LRRC37A2: variants seen among roughly 807,000 people sequenced by gnomAD.
The protein encoded by LRRC37A2 is leucine rich repeat containing 37 member A2, also known as leucine-rich repeat-containing protein 37A2.
A neutral mutation model predicts 68.8 loss-of-function variants in LRRC37A2; 9 were observed. The ratio of observed to expected loss-of-function variants is 0.13; its 90% CI spans 0.08 to 0.23. The LOEUF is 0.23. Among genes scored for constraint, LRRC37A2 ranks in the 10% least tolerant of loss-of-function variants. The probability of loss-of-function intolerance (pLI) is 1.00; values close to 1 mark genes in which losing one functional copy is unlikely to be tolerated. For missense variants in LRRC37A2, 168 were observed against 950.4 expected, an observed-to-expected ratio of 0.18 and a Z score of 10.82; for synonymous variants, 63 against 367.6, an observed-to-expected ratio of 0.17 and a Z score of 9.48.
chr17:46,862,004 A>G, the LRRC37A2 span, among the ~76,000 whole-genome samples: 1 of 152,020 alleles, frequency 6.6e-6, no homozygotes, highest in Admixed American at 6.6e-5. Flanking sequence ...TCTCTACTAA[A>G]AATACAAAAA....
chr17:46,788,051 A>G, the LRRC37A2 span, among the ~76,000 whole-genome samples: 5 of 151,724 alleles, frequency 3.3e-5, no homozygotes, highest in Non-Finnish European at 7.4e-5. Context: ...GAGAAGTCCC[A>G]CTTGGGACTT....
chr17:46,421,117 T>C, the LRRC37A2 span, among the ~76,000 whole-genome samples: 2 of 77,630 alleles, frequency 2.6e-5, no homozygotes, highest in East Asian at 4.6e-4. Flanking sequence ...TTTTGTATTT[T>C]TAGTAGAGAT....
At chr17:46,697,067 A>AT in the LRRC37A2 span, among the ~76,000 whole-genome samples, 3 of 137,132 alleles carry the variant, frequency 2.2e-5, no homozygotes, top group South Asian at 7.0e-4. Context: ...TAGTGCTTTT[A>AT]TTTTAGGTAC....
the LRRC37A2 span, chr17:46,929,742 G>A: frequency 1.6e-6 from 1 of 625,390 alleles, no homozygotes; most frequent in Non-Finnish European, 2.9e-6. Flanking sequence ...CAAAGTCACT[G>A]ATTTCCCTGA....
chr17:46,926,468 C>CA, the LRRC37A2 span, among the ~76,000 whole-genome samples: 2 of 152,180 alleles, frequency 1.3e-5, no homozygotes, highest in Non-Finnish European at 2.9e-5. Flanking sequence ...AAGACGGCTA[C>CA]AATGACCCTG....
At chr17:46,949,427 C>T in the LRRC37A2 span, 4 of 152,106 alleles carry the variant, frequency 2.6e-5, no homozygotes, top group African/African-American at 9.7e-5. Context: ...GGCCTCTGTT[C>T]TGCCATACTC....
chr17:46,803,001 A>G, the LRRC37A2 span, among the ~76,000 whole-genome samples: 12 of 152,158 alleles, frequency 7.9e-5, no homozygotes, highest in African/African-American at 2.9e-4. Flanking sequence ...TGGGATTGCT[A>G]CTGGAAGTGG....
chr17:46,836,095 C>CAT, the LRRC37A2 span, among the ~76,000 whole-genome samples: 2 of 126,434 alleles, frequency 1.6e-5, no homozygotes, highest in Non-Finnish European at 3.2e-5. Flanking sequence ...GAGACGCTGA[C>CAT]GTGTGTGTGT....
the LRRC37A2 span, chr17:46,938,103 T>A: frequency 1.5e-5 from 3 of 203,348 alleles, no homozygotes; most frequent in Admixed American, 1.6e-4. Context: ...CCTCAAGTAA[T>A]CCTCCCACCC....
chr17:46,771,371 G>T, the LRRC37A2 span, among the ~76,000 whole-genome samples: 4 of 151,822 alleles, frequency 2.6e-5, no homozygotes, highest in Non-Finnish European at 4.4e-5. Flanking sequence ...GCGCCTCGGG[G>T]AAGAGGGGCC....
At chr17:46,983,725 A>C in the LRRC37A2 span, among the ~76,000 whole-genome samples, 1 of 152,252 alleles carries the variant, frequency 6.6e-6, no homozygotes, top group Non-Finnish European at 1.5e-5. Context: ...CAAATATCTC[A>C]AATTGAGCAA....
chr17:47,002,961 G>T, the LRRC37A2 span, among the ~76,000 whole-genome samples: 1 of 152,130 alleles, frequency 6.6e-6, no homozygotes, highest in Non-Finnish European at 1.5e-5. Flanking sequence ...CTGTATAAAA[G>T]CTCAAGGAAG....
At chr17:46,417,158 GA>G in the LRRC37A2 span, among the ~76,000 whole-genome samples, 1 of 109,714 alleles carries the variant, frequency 9.1e-6, no homozygotes, top group Non-Finnish European at 2.0e-5. Flanking sequence ...TAGAATTTAA[GA>G]AATAAGTTTA....
chr17:46,891,918 CTTTTTT>C, the LRRC37A2 span, among the ~76,000 whole-genome samples: 87 of 71,816 alleles, frequency 1.2e-3, no homozygotes, highest in African/African-American at 4.4e-3. Flanking sequence ...CTTTTCTTTT[CTTTTTT>C]TTTTTTTTTT....
At chr17:46,851,095 CCTGCCCTGAGT>C in the LRRC37A2 span, among the ~76,000 whole-genome samples, 217 of 152,324 alleles carry the variant, frequency 1.4e-3, 1 homozygote, top group African/African-American at 5.1e-3. The surrounding 1 kb of genome is among the most constrained non-coding windows in gnomAD (Gnocchi z 4.3). Flanking sequence ...AGGACCCGGC[CCTGCCCTGAGT>C]CTGCGGGCTG....
At chr17:46,503,109 G>A in the LRRC37A2 span, among the ~76,000 whole-genome samples, 1 of 150,034 alleles carries the variant, frequency 6.7e-6, no homozygotes, top group African/African-American at 2.5e-5. Context: ...CTACTCTGGA[G>A]GCTGAGGCAG....
At chr17:46,876,816 A>G in the LRRC37A2 span, 1 of 1,445,042 alleles carries the variant, frequency 6.9e-7, no homozygotes, top group South Asian at 1.5e-5. Context: ...CATCACATGC[A>G]TGCATAAACC....
the LRRC37A2 span, chr17:46,885,880 T>C: frequency 6.6e-6 from 1 of 152,342 alleles, no homozygotes; most frequent in Admixed American, 6.6e-5. Context: ...GGCTTCCCCT[T>C]CCCAACTCTC....
At chr17:46,936,053 T>C in the LRRC37A2 span, 2 of 985,810 alleles carry the variant, frequency 2.0e-6, no homozygotes, top group Non-Finnish European at 2.4e-6. Flanking sequence ...CCCTGCCATC[T>C]CTACGGGGGA....
Sources: allele counts gnomAD v4.1 joint callset (sites outside exome capture counted in the v4.1 genomes callset), GRCh38; gene constraint gnomAD v4.1.1; non-coding constraint Gnocchi (gnomAD v3.1); transcripts MANE v1.5; gene names NCBI Gene and HGNC (gene_info 2026-07-23, HGNC 2026-07-21).